NCR2: variants seen among roughly 807,000 people sequenced by gnomAD.
The protein encoded by NCR2 is NK cell activating receptor (NKp44).
A neutral mutation model predicts 30.7 loss-of-function variants in NCR2; 35 were observed. The ratio of observed to expected loss-of-function variants is 1.14; its 90% CI spans 0.87 to 1.51. NCR2 has a LOEUF of 1.51. Among genes scored for constraint, NCR2 ranks in the 40% most tolerant of loss-of-function variants. The probability of loss-of-function intolerance (pLI) is 0.00; values close to 1 mark genes in which losing one functional copy is unlikely to be tolerated. For synonymous variants in NCR2, 146 were observed against 134.8 expected, an observed-to-expected ratio of 1.08 and a Z score of -0.58; for missense variants, 316 against 328.9, an observed-to-expected ratio of 0.96 and a Z score of 0.30.
chr6:41,346,309 C>T (rs149753100), intron 4 of NCR2, among the ~76,000 whole-genome samples: 1 of 152,282 alleles, frequency 6.6e-6, no homozygotes, highest in East Asian at 1.9e-4. Context: ...TTTCAGCCAC[C>T]ATTGCAGATG....
chr6:41,347,262 T>C (rs1176303886), intron 4 of NCR2, among the ~76,000 whole-genome samples: 1 of 152,196 alleles, frequency 6.6e-6, no homozygotes, highest in Non-Finnish European at 1.5e-5. Flanking sequence ...CTCTCCTGCA[T>C]CATCTTCCCG....
intron 4 of NCR2, among the ~76,000 whole-genome samples, chr6:41,345,297 T>TA (rs1218851340): frequency 2.0e-5 from 3 of 152,140 alleles, no homozygotes; most frequent in African/African-American, 7.2e-5. Context: ...TCCAACTTTC[T>TA]GGGGTTCCAA....
At chr6:41,345,925 G>A (rs150604253) in intron 4 of NCR2, among the ~76,000 whole-genome samples, 44 of 152,222 alleles carry the variant, frequency 2.9e-4, no homozygotes, top group Non-Finnish European at 5.9e-4. Flanking sequence ...TCTCTTGCGG[G>A]GGGAGGGAGG....
chr6:41,335,852 C>A lies in NCR2; in HGVS notation c.-25C>A. ...CCAGTCTTCTCCAGGTGTCCCCTCC[C>A]ATGAGCGCACAGGAAAAGGACCACA... On this transcript the variant is annotated 5_prime_UTR_variant, in exon 1 of 5. Coordinates refer to ENST00000373089, the MANE Select transcript of NCR2 (RefSeq NM_004828.4). 6.4e-7 allele frequency: 1 copy of A among 1,558,870 alleles called. No individual in the cohort carries two copies. Among genetic ancestry groups the A allele is most frequent in the South Asian group, 1.2e-5 (1 of 84,674 alleles).
intron 4 of NCR2, among the ~76,000 whole-genome samples, chr6:41,343,800 T>A (rs2114059887): frequency 1.0e-5 from 1 of 96,612 alleles, no homozygotes; most frequent in Non-Finnish European, 2.7e-5. Context: ...GAAGGTGAGA[T>A]AAACAACTTG....
chr6:41,343,798 G>A (rs1440263111), intron 4 of NCR2, among the ~76,000 whole-genome samples: 1 of 102,654 alleles, frequency 9.7e-6, no homozygotes, highest in Non-Finnish European at 2.5e-5. Context: ...CGGAAGGTGA[G>A]ATAAACAACT....
At position 41,350,714 on chromosome 6, in the gene NCR2, G is replaced by A; in HGVS notation, c.681G>A (p.Arg227=). 6.2e-7 allele frequency: 1 copy of A among 1,614,066 alleles called. No individual in the cohort carries two copies. Among genetic ancestry groups the A allele is most frequent in the Non-Finnish European group, 8.5e-7 (1 of 1,179,994 alleles). The change falls in exon 5 of 5, where the codon AGG becomes AGA. Residue 227 remains arginine, a synonymous_variant. Coordinates refer to ENST00000373089, the MANE Select transcript of NCR2 (RefSeq NM_004828.4). ...GGTGGAAAACCATGATGGAGCTCAG[G>A]AGCCTGGATACCCAAAAAGCCACCT... ...DIWWKTMMEL[R]SLDTQKATCH... is the part of the protein sequence containing the mutation.
At chr6:41,342,780 G>T (rs1769208074) in intron 4 of NCR2, 1 of 689,596 alleles carries the variant, frequency 1.5e-6, no homozygotes, top group African/African-American at 1.8e-5. Flanking sequence ...AAAACCATAG[G>T]TGGGGCTGAG....
chr6:41,343,031 G>T (rs762805372), intron 4 of NCR2: 11 of 1,548,800 alleles, frequency 7.1e-6, no homozygotes, highest in Non-Finnish European at 9.6e-6. Context: ...CCAGGTGGGC[G>T]GCCAGTCTCC....
chr6:41,349,622 TG>T (rs1413857579), intron 4 of NCR2, among the ~76,000 whole-genome samples: 4 of 152,340 alleles, frequency 2.6e-5, no homozygotes, highest in South Asian at 4.2e-4. Context: ...CAGGAGCTTC[TG>T]AGTTGGTGAA....
intron 2 of NCR2, 93 bp downstream of exon 2, chr6:41,336,521 A>T (rs1446240641): frequency 1.9e-6 from 2 of 1,044,676 alleles, no homozygotes; most frequent in African/African-American, 3.2e-5. Context: ...GAAGCCACCC[A>T]TGCCCACGCC....
At chr6:41,341,297 G>A (rs1337325279) in intron 2 of NCR2, among the ~76,000 whole-genome samples, 4 of 152,138 alleles carry the variant, frequency 2.6e-5, no homozygotes, top group African/African-American at 4.8e-5. Flanking sequence ...CCAGAGTCAA[G>A]AGGGGCTGTG....
Position 41,344,664 on chromosome 6 carries a change from T to C in NCR2, c.644+2515T>C, listed in dbSNP as rs111480254. On this transcript the variant is annotated intron_variant, in intron 4 of 4. Transcript: ENST00000373089. ...GCAAGCCACATTTTCTCTGGAAATA[T>C]TAAAGTTTTAACTTTTGAACTTTTC... Among the ~76,000 whole-genome samples, 1,506 of 152,388 alleles carry C rather than the reference T, an allele frequency of 9.9e-3. 28 individuals are homozygous for C. The highest frequency in any genetic ancestry group is 0.034 in the African/African-American group (1,415 of 41,590).
chr6:41,348,338 C>A (rs993377251), intron 4 of NCR2, among the ~76,000 whole-genome samples: 1 of 152,134 alleles, frequency 6.6e-6, no homozygotes, highest in Non-Finnish European at 1.5e-5. Flanking sequence ...AAATACAATT[C>A]TCAGTATGAA....
rs560512049 is a variant in NCR2 at position 41,335,653 on chromosome 6, C to A, written c.-224C>A. 4 of 578,276 alleles carry A rather than the reference C, an allele frequency of 6.9e-6. No homozygotes were observed. The highest frequency in any genetic ancestry group is 3.7e-5 in the African/African-American group (2 of 53,466). The allele number at this position is 578,276 out of a possible 1,614,324, so 35.8% of individuals were successfully genotyped here. On this transcript the variant is annotated 5_prime_UTR_variant, in exon 1 of 5. Transcript: ENST00000373089. ...TGGGAAGCTGTGTGCCAGACAGCGC[C>A]GAGCCCACCAGACCCAGACTCACCT... is the stretch of plus-strand genomic sequence containing the variant.
chr6:41,343,549 C>A (rs1017485788), intron 4 of NCR2, among the ~76,000 whole-genome samples: 2 of 152,172 alleles, frequency 1.3e-5, no homozygotes, highest in Non-Finnish European at 1.5e-5. Context: ...GAGCAAAGAA[C>A]GATTTGCAAA....
At chr6:41,339,455 G>A (rs1047427560) in intron 2 of NCR2, among the ~76,000 whole-genome samples, 3 of 150,916 alleles carry the variant, frequency 2.0e-5, no homozygotes, top group Admixed American at 6.6e-5. Flanking sequence ...GTGTGATCTC[G>A]GCTCACTGCA....
intron 4 of NCR2, chr6:41,342,888 C>A: frequency 6.5e-7 from 1 of 1,536,024 alleles, no homozygotes; most frequent in South Asian, 1.2e-5. Context: ...GGATTCAAGT[C>A]ACTTCATGTA....
chr6:41,346,717 G>C (rs1379887213), intron 4 of NCR2, among the ~76,000 whole-genome samples: 2 of 151,892 alleles, frequency 1.3e-5, no homozygotes, highest in Non-Finnish European at 2.9e-5. Context: ...GAGTGGCTCT[G>C]CTCCATTCTA....
Sources: gnomAD v4.1 joint callset for allele counts (sites outside exome capture counted in the v4.1 genomes callset) on GRCh38, gnomAD v4.1.1 for gene constraint, MANE v1.5 for transcripts, NCBI Gene and HGNC (gene_info 2026-07-23, HGNC 2026-07-21) for gene names.